Variants in RELN observed in about 807,000 individuals in gnomAD.
The protein encoded by RELN is reelin.
A neutral mutation model predicts 427.6 loss-of-function variants in RELN; 108 were observed. The ratio of observed to expected loss-of-function variants is 0.25; its 90% confidence interval spans 0.22 to 0.30. RELN has a LOEUF of 0.30. Ranked by LOEUF, RELN falls within the 10% of genes least tolerant of loss-of-function variation. The pLI is 1.00. For missense variants in RELN, 3,715 were observed against 4,302.8 expected (o/e 0.86, Z 3.82); for synonymous variants, 1,524 against 1,513.4 (o/e 1.01, Z -0.16).
chr7:103,486,076 G>T, intron 61 of RELN, 121 bp downstream of exon 61: 1 of 909,006 alleles, frequency 1.1e-6, no homozygotes, highest in East Asian at 2.5e-5. Context: ...TCAAATGACA[G>T]GTTTTCACTG....
intron 2 of RELN, among the ~76,000 whole-genome samples, chr7:103,872,028 A>ATTTTTTTTTTTTTTTTTT (rs142665123): frequency 9.5e-6 from 1 of 104,752 alleles, no homozygotes; most frequent in African/African-American, 3.2e-5. Flanking sequence ...ATATATATAT[A>ATTTTTTTTTTTTTTTTTT]TATTTTTCTT....
At chr7:103,650,129 G>C in intron 16 of RELN, 145 bp downstream of exon 16, 1 of 688,378 alleles carries the variant, frequency 1.5e-6, no homozygotes, top group South Asian at 1.5e-5. Context: ...GCTTCTAACA[G>C]AATGCAAAGG....
chr7:103,758,093 A>G lies in RELN; in HGVS notation c.545-4879T>C, dbSNP rs561613978. Among the ~76,000 whole-genome samples, 35 of 152,318 alleles carry G rather than the reference A, an allele frequency of 2.3e-4. No homozygotes were observed. The East Asian group carries it at 6.6e-3, about 29-fold the overall frequency. ...TTAAGAGTTCCCTGTTAGAAAGTGC[A>G]TGTGAATGTATTTGTGTTTCGATGA... On this transcript the variant is annotated intron_variant, in intron 4 of 64. Transcript: ENST00000428762.
intron 51 of RELN, among the ~76,000 whole-genome samples, chr7:103,508,324 G>T (rs1344728010): frequency 6.6e-6 from 1 of 151,588 alleles, no homozygotes; most frequent in Non-Finnish European, 1.5e-5. Flanking sequence ...AGATCAAGTT[G>T]GCTTCATCCC....
At chr7:103,500,652 G>C (rs1408186527) in intron 53 of RELN, 93 bp downstream of exon 53, 1 of 1,285,334 alleles carries the variant, frequency 7.8e-7, no homozygotes, top group Non-Finnish European at 1.1e-6. Context: ...GGACCCAAAG[G>C]ACATTGTTAT....
At chr7:103,809,539 C>A (rs1288523754) in intron 3 of RELN, among the ~76,000 whole-genome samples, 4 of 151,872 alleles carry the variant, frequency 2.6e-5, no homozygotes, top group African/African-American at 7.3e-5. Flanking sequence ...AAGATTTATA[C>A]AATTAGGGGA....
intron 4 of RELN, among the ~76,000 whole-genome samples, chr7:103,754,128 A>G (rs1268276842): frequency 6.6e-6 from 1 of 152,114 alleles, no homozygotes; most frequent in East Asian, 1.9e-4. Context: ...ATATTTCTTA[A>G]GATGTGCTAT....
At chr7:103,728,045 C>T (rs1344368979) in intron 7 of RELN, 66 bp downstream of exon 7, 3 of 1,519,038 alleles carry the variant, frequency 2.0e-6, no homozygotes, top group Non-Finnish European at 2.7e-6. Context: ...ATAAGAAAAA[C>T]TTTTGTTGGC....
intron 4 of RELN, among the ~76,000 whole-genome samples, chr7:103,761,929 A>G (rs1791310375): frequency 6.6e-6 from 1 of 152,214 alleles, no homozygotes; most frequent in South Asian, 2.1e-4. Flanking sequence ...GGTTGGAAGG[A>G]AAATCACTAG....
chr7:103,861,001 G>C (rs1337388717), intron 2 of RELN, among the ~76,000 whole-genome samples: 1 of 152,156 alleles, frequency 6.6e-6, no homozygotes, highest in Non-Finnish European at 1.5e-5. Flanking sequence ...TCCTAGTTGA[G>C]GACAAACAAT....
In RELN at chr7:103,730,874, G is replaced by A. The variant is rs116638468; in HGVS notation, c.657-2667C>T. 5.3e-3 allele frequency among the ~76,000 whole-genome samples: 802 copies of A among 152,200 alleles called. 2 individuals are homozygous for A. The highest frequency in any genetic ancestry group is 0.019 in the African/African-American group (770 of 41,532). On this transcript the variant is annotated intron_variant, in intron 6 of 64. Coordinates refer to ENST00000428762, the MANE Select transcript of RELN (RefSeq NM_005045.4). ...GGTCAAATCCAACCCTCTCTTAGAT[G>A]CCAATGGTGTTATTTATTCATCCAT...
At position 103,475,099 on chromosome 7, in the gene RELN, C is replaced by A. The variant is rs372272851; in HGVS notation, c.10287-2191G>T. Among the ~76,000 whole-genome samples, 8 of 152,310 alleles carry A rather than the reference C, an allele frequency of 5.3e-5. No individual in the cohort carries two copies. In the South Asian group the frequency reaches 1.0e-3, roughly 20 times the overall value. On this transcript the variant is annotated intron_variant, in intron 64 of 64. Transcript: ENST00000428762. ...TTTCTACATTCCTATACAAACTGCTCTACTCAAACGCCTTGAGTCCTTTCT... is the reference window on the plus strand; with the variant it reads ...TTTCTACATTCCTATACAAACTGCTATACTCAAACGCCTTGAGTCCTTTCT...
intron 3 of RELN, among the ~76,000 whole-genome samples, chr7:103,830,806 C>T (rs1793256156): frequency 6.6e-6 from 1 of 152,024 alleles, no homozygotes; most frequent in Non-Finnish European, 1.5e-5. Flanking sequence ...ACAAAGGAAG[C>T]AGCTACTCTA....
intron 9 of RELN, 69 bp downstream of exon 9, chr7:103,700,841 G>GAAA: frequency 3.2e-6 from 3 of 936,690 alleles, no homozygotes; most frequent in Middle Eastern, 4.4e-4. Flanking sequence ...GTGGTGGATT[G>GAAA]AAGGCATATA....
chr7:103,579,760 C>G (rs1230057628), intron 28 of RELN, among the ~76,000 whole-genome samples: 10 of 152,010 alleles, frequency 6.6e-5, no homozygotes. Context: ...TGGGGGATGC[C>G]TAAGTGAATC....
Position 103,594,310 on chromosome 7 carries a change from TAG to T in RELN, c.3711+9_3711+10del, listed in dbSNP as rs1482562155. 1.2e-6 allele frequency: 2 copies of T among 1,611,630 alleles called. No homozygotes were observed. The highest frequency in any genetic ancestry group is 1.7e-5 in the Admixed American group (1 of 59,976). On this transcript the variant is annotated intron_variant, in intron 26 of 64. Transcript: ENST00000428762. ...TATCTGTCTTCTTGGAGTTCAGACA[TAG>T]GAGAATACCTGAGGTAAAGTTGGAT... is the stretch of plus-strand genomic sequence containing the variant.
At chr7:103,591,204 AT>A (rs1175323507) in intron 27 of RELN, among the ~76,000 whole-genome samples, 1 of 152,176 alleles carries the variant, frequency 6.6e-6, no homozygotes, top group African/African-American at 2.4e-5. Flanking sequence ...ATCTTATTTC[AT>A]TTGTTGGCGG....
chr7:103,867,824 C>T (rs745870064), intron 2 of RELN, among the ~76,000 whole-genome samples: 1 of 151,786 alleles, frequency 6.6e-6, no homozygotes, highest in Non-Finnish European at 1.5e-5. Context: ...AAAAAATGAC[C>T]GATTTTTTTT....
At chr7:103,801,154 A>C (rs1395221100) in intron 3 of RELN, among the ~76,000 whole-genome samples, 1 of 152,232 alleles carries the variant, frequency 6.6e-6, no homozygotes, top group Non-Finnish European at 1.5e-5. Context: ...TAGTTCAACC[A>C]TTGTGGAAGA....
Sources: gnomAD v4.1 joint callset for allele counts (sites outside exome capture counted in the v4.1 genomes callset) on GRCh38, gnomAD v4.1.1 for gene constraint, MANE v1.5 for transcripts, NCBI Gene and HGNC (gene_info 2026-07-23, HGNC 2026-07-21) for gene names.